The following MAD2L2 variants were observed in gnomAD, a reference collection of about 807,000 sequenced individuals.
MAD2L2 encodes mitotic spindle assembly checkpoint protein MAD2B.
Under a neutral mutation model 30.5 loss-of-function variants are expected in MAD2L2, and 17 were observed. The ratio of observed to expected loss-of-function variants is 0.56; its 90% CI spans 0.38 to 0.84. The LOEUF (loss-of-function observed/expected upper bound fraction) is 0.84. Ranked by LOEUF, MAD2L2 falls within the 40% of genes least tolerant of loss-of-function variation. The pLI, the probability that MAD2L2 is intolerant of heterozygous loss-of-function variation, is 0.00. For missense variants in MAD2L2, 213 were observed against 277.4 expected (o/e 0.77, Z 1.65); for synonymous variants, 101 against 113.9 (o/e 0.89, Z 0.72).
At position 11,675,707 on chromosome 1, in the gene MAD2L2, T is replaced by C; in HGVS notation, c.452A>G (p.His151Arg). Residue 151 changes from histidine (H) to arginine (R), a missense_variant, in exon 7 of 9, where the codon CAC becomes CGC. Coordinates refer to ENST00000376692, the MANE Select transcript of MAD2L2 (RefSeq NM_006341.4). ...GTTGCGAGTGGCGGCTTCTCTCGTGTGCACCAGGACTGTGAAGGTACAGCC... is the reference window on the plus strand; with the variant it reads ...GTTGCGAGTGGCGGCTTCTCTCGTGCGCACCAGGACTGTGAAGGTACAGCC... ...PPGCTFTVLV[H>R]TREAATRNME... The C allele has an allele frequency of 6.2e-7, 1 of 1,614,090 alleles. No homozygotes were observed. The highest frequency in any genetic ancestry group is 8.5e-7 in the Non-Finnish European group (1 of 1,179,990).
upstream of MAD2L2, among the ~76,000 whole-genome samples, chr1:11,684,483 G>C (rs1640927242): frequency 6.6e-6 from 1 of 152,168 alleles, no homozygotes; most frequent in Non-Finnish European, 1.5e-5. Context: ...GCAGGTCCCT[G>C]AGGATCTCTG....
chr1:11,676,047 TG>T lies in MAD2L2; in HGVS notation c.425del (p.Pro142GlnfsTer45). The T allele has an allele frequency of 1.2e-6, 2 of 1,612,356 alleles. No individual in the cohort carries two copies. Among genetic ancestry groups the T allele is most frequent in the Non-Finnish European group, 1.7e-6 (2 of 1,179,042 alleles). Reference sequence around the variant, plus strand: ...AGAGAGGGTGGGGAGTGGACACACCTGGGGGGTTGTGGTCCAGGACGGCATC... The same window carrying T: ...AGAGAGGGTGGGGAGTGGACACACCTGGGGGTTGTGGTCCAGGACGGCATC... ...VCDAVLDHNP[P>X]GCTFTVLVHT... On this transcript the variant is annotated frameshift_variant and splice_region_variant, in exon 6 of 9. Coordinates refer to ENST00000376692, the MANE Select transcript of MAD2L2 (RefSeq NM_006341.4). LOFTEE classifies it high-confidence loss of function.
Position 11,677,454 on chromosome 1 carries a change from C to G in MAD2L2, c.231+89G>C, listed in dbSNP as rs563991528. On this transcript the variant is annotated intron_variant, in intron 4 of 8. Transcript: ENST00000376692. ...CCATGAAGACCCCACAGAGTCCTAGCTTCACCCCATCCCAGAGTTGGACTG... is the reference window on the plus strand; with the variant it reads ...CCATGAAGACCCCACAGAGTCCTAGGTTCACCCCATCCCAGAGTTGGACTG... 6 of 1,294,674 alleles carry G rather than the reference C, an allele frequency of 4.6e-6. No homozygotes were observed. In the African/African-American group the frequency reaches 8.8e-5, roughly 19 times the overall value. 80.2% of individuals were successfully genotyped at this position (1,294,674 alleles called of 1,614,324 possible).
In MAD2L2 at chr1:11,675,190, AG is replaced by A. The variant is rs1478434235; in HGVS notation, c.502-17del. On this transcript the variant is annotated splice_polypyrimidine_tract_variant and intron_variant, in intron 7 of 8. Coordinates refer to ENST00000376692, the MANE Select transcript of MAD2L2 (RefSeq NM_006341.4). ...AGGGGAAATCCTAGGGAGGAGACAAAGGTCAGGGGGGTGACGGGGCTGGGCC... is the reference window on the plus strand; with the variant it reads ...AGGGGAAATCCTAGGGAGGAGACAAAGTCAGGGGGGTGACGGGGCTGGGCC... 3.2e-6 allele frequency: 5 copies of A among 1,560,204 alleles called. No individual in the cohort carries two copies. The African/African-American group carries it at 5.5e-5, about 17-fold the overall frequency.
rs1557683656 is a variant in MAD2L2, at chr1:11,690,348, C to A, written c.-692+1065G>T. Among the ~76,000 whole-genome samples the A allele has an allele frequency of 6.6e-6, 1 of 152,138 alleles. No homozygotes were observed. Among genetic ancestry groups the A allele is most frequent in the Non-Finnish European group, 1.5e-5 (1 of 68,036 alleles). On this transcript the variant is annotated intron_variant, in intron 1 of 10. Transcript: ENST00000235310. The surrounding 1 kb of genome is among the most constrained non-coding windows in gnomAD (Gnocchi z 4.2). ...GTTCTCATCAATCCATCCTGGTGCC[C>A]ACCAAGCTAATAATATCACGGTAAC...
chr1:11,677,458 A>T (rs1235347262), intron 4 of MAD2L2, 85 bp downstream of exon 4: 1 of 1,313,176 alleles, frequency 7.6e-7, no homozygotes, highest in Non-Finnish European at 1.1e-6. Flanking sequence ...TCCTAGCTTC[A>T]CCCCATCCCA....
chr1:11,686,247 G>T (rs1031774450), intron 1 of MAD2L2, among the ~76,000 whole-genome samples: 1 of 152,124 alleles, frequency 6.6e-6, no homozygotes, highest in Non-Finnish European at 1.5e-5. Context: ...GCTCCTCTCC[G>T]CTCTCATCTG....
At chr1:11,679,985 G>GTTTT (rs70983583) in intron 3 of MAD2L2, among the ~76,000 whole-genome samples, 5 of 87,624 alleles carry the variant, frequency 5.7e-5, no homozygotes, top group East Asian at 4.2e-4. Flanking sequence ...AGTGGAAGAG[G>GTTTT]TTTTTTTTTT....
chr1:11,677,254 C>G (rs1224857707), intron 4 of MAD2L2: 2 of 596,964 alleles, frequency 3.4e-6, no homozygotes, highest in Non-Finnish European at 5.9e-6. Flanking sequence ...GCGTGGAGAA[C>G]AGGGGACGGA....
At chr1:11,684,749 A>G (rs1185701572), upstream of MAD2L2, among the ~76,000 whole-genome samples, 1 of 152,138 alleles carries the variant, frequency 6.6e-6, no homozygotes, top group Non-Finnish European at 1.5e-5. Flanking sequence ...GGTTCCCAGG[A>G]CACCAATCAC....
chr1:11,689,613 G>T (rs1031001609), intron 1 of MAD2L2, among the ~76,000 whole-genome samples: 1 of 152,124 alleles, frequency 6.6e-6, no homozygotes, highest in Admixed American at 6.5e-5. Flanking sequence ...AACAAAAGGC[G>T]GGGGGAGGGG....
chr1:11,677,353 G>C (rs1228510238), intron 4 of MAD2L2, 190 bp downstream of exon 4: 2 of 626,972 alleles, frequency 3.2e-6, no homozygotes, highest in African/African-American at 3.7e-5. Flanking sequence ...CCTGAACATG[G>C]CCCGCATGCC....
Position 11,675,840 on chromosome 1 carries a change from T to A in MAD2L2, c.428-109A>T, listed in dbSNP as rs751500020. 3.9e-6 allele frequency: 4 copies of A among 1,019,908 alleles called. No homozygotes were observed. The East Asian group carries it at 9.5e-5, about 24-fold the overall frequency. 63.2% of individuals were successfully genotyped at this position (1,019,908 alleles called of 1,614,324 possible). On this transcript the variant is annotated intron_variant, in intron 6 of 8. Transcript: ENST00000376692. ...GGCTCAGCAGCACCCCCAGAGCAGATGGCAAAGCAAGTGCTAAGAAAAGCC... is the reference window on the plus strand; with the variant it reads ...GGCTCAGCAGCACCCCCAGAGCAGAAGGCAAAGCAAGTGCTAAGAAAAGCC...
upstream of MAD2L2, among the ~76,000 whole-genome samples, chr1:11,684,403 ATATG>A (rs1030548439): frequency 3.3e-5 from 5 of 152,080 alleles, no homozygotes; most frequent in Admixed American, 6.5e-5. Context: ...CATAATGACA[ATATG>A]TAGGAGGGCG....
At position 11,675,704 on chromosome 1, in the gene MAD2L2, G is replaced by T. The variant is rs139303308; in HGVS notation, c.455C>A (p.Thr152Lys). The T allele has an allele frequency of 2.5e-6, 4 of 1,613,942 alleles. No individual in the cohort carries two copies. Among genetic ancestry groups the T allele is most frequent in the African/African-American group, 1.3e-5 (1 of 74,936 alleles). ...PGCTFTVLVH[T>K]REAATRNMEK... is the part of the protein sequence containing the mutation. ...CATGTTGCGAGTGGCGGCTTCTCTC[G>T]TGTGCACCAGGACTGTGAAGGTACA... Residue 152 changes from threonine (T) to lysine (K), a missense_variant, in exon 7 of 9, where the codon ACG (threonine) becomes AAG (lysine). Transcript: ENST00000376692.
intron 3 of MAD2L2, 62 bp downstream of exon 3, chr1:11,680,291 C>G (rs1640847955): frequency 3.5e-6 from 5 of 1,414,766 alleles, no homozygotes; most frequent in Non-Finnish European, 4.9e-6. Context: ...CCACGGCGCC[C>G]GACCAAAGAA....
Position 11,687,370 on chromosome 1 carries a change from G to A in MAD2L2, c.-692+4043C>T, listed in dbSNP as rs1355703072. On this transcript the variant is annotated intron_variant, in intron 1 of 10. Transcript: ENST00000235310. This position sits in a 1 kb window ranked among gnomAD's most constrained non-coding sequence, Gnocchi z 4.1. ...TTCTCCTGCCTCAGCCTCCCGAGTA[G>A]CTGGGACTACAGGCGACCTCCATCA... 2.6e-5 allele frequency among the ~76,000 whole-genome samples: 4 copies of A among 152,198 alleles called. No individual in the cohort carries two copies. Among genetic ancestry groups the A allele is most frequent in the African/African-American group, 9.7e-5 (4 of 41,444 alleles).
At position 11,690,097 on chromosome 1, in the gene MAD2L2, G is replaced by A. The variant is rs577087060; in HGVS notation, c.-692+1316C>T. On this transcript the variant is annotated intron_variant, in intron 1 of 10. Transcript: ENST00000235310. This position sits in a 1 kb window ranked among gnomAD's most constrained non-coding sequence, Gnocchi z 4.2. The stretch of plus-strand genomic sequence containing the variant: ...CACCTCGTCCCTTCATGCTTTGTCT[G>A]TAATGTGCTTTACTTTTCTTCATAG... Among the ~76,000 whole-genome samples the A allele has an allele frequency of 1.1e-4, 17 of 152,190 alleles. No individual in the cohort carries two copies. In the South Asian group the frequency reaches 3.3e-3, roughly 30 times the overall value.
At chr1:11,680,540 C>T (rs374610245) in intron 2 of MAD2L2, 22 bp downstream of exon 2, 1 of 1,609,224 alleles carries the variant, frequency 6.2e-7, no homozygotes, top group South Asian at 1.1e-5. Context: ...CGCCCCCGGG[C>T]CCGCAGGTCC....
Sources: gnomAD v4.1 joint callset for allele counts (sites outside exome capture counted in the v4.1 genomes callset) on GRCh38, gnomAD v4.1.1 for gene constraint, Gnocchi (gnomAD v3.1) non-coding constraint, MANE v1.5 for transcripts, NCBI Gene and HGNC (gene_info 2026-07-23, HGNC 2026-07-21) for gene names.